RBFOX1: variants seen among roughly 807,000 people sequenced by gnomAD.
The protein encoded by RBFOX1 is RNA binding fox-1 homolog 1.
In RBFOX1, 8 loss-of-function variants were observed where a neutral mutation model predicts 57.7. That is an observed-to-expected ratio of 0.14 (90% CI 0.08 to 0.25). The LOEUF is 0.25. Among genes scored for constraint, RBFOX1 ranks in the 10% least tolerant of loss-of-function variants. The probability of loss-of-function intolerance (pLI) is 1.00; values close to 1 mark genes in which losing one functional copy is unlikely to be tolerated. For missense variants in RBFOX1, 611 were observed against 548.5 expected (o/e 1.11, Z -1.14); for synonymous variants, 326 against 222.4 (o/e 1.47, Z -4.15).
chr16:6,583,154 G>C (rs961658864), intron 2 of RBFOX1, among the ~76,000 whole-genome samples: 1 of 152,164 alleles, frequency 6.6e-6, no homozygotes, highest in African/African-American at 2.4e-5. Flanking sequence ...CTGGAAGATA[G>C]AGATCTCATT....
intron 4 of RBFOX1, among the ~76,000 whole-genome samples, chr16:7,502,668 A>C (rs929254017): frequency 6.6e-6 from 1 of 152,164 alleles, no homozygotes; most frequent in Non-Finnish European, 1.5e-5. Flanking sequence ...ATACGTATAC[A>C]TGTGGTGAGG....
At chr16:6,450,765 GTGTATATATATATATATATA>G (rs2094575459) in intron 2 of RBFOX1, among the ~76,000 whole-genome samples, 1 of 19,442 alleles carries the variant, frequency 5.1e-5, no homozygotes, top group African/African-American at 2.0e-4. Flanking sequence ...ATATATATAT[GTGTATATATATATATATATA>G]TATACATATA....
At chr16:6,277,580 T>C (rs887056997) in intron 1 of RBFOX1, among the ~76,000 whole-genome samples, 4 of 146,800 alleles carry the variant, frequency 2.7e-5, no homozygotes. Context: ...GAGATCAGCC[T>C]GGGCAATAGA....
intron 4 of RBFOX1, among the ~76,000 whole-genome samples, chr16:7,131,042 A>C (rs1458690856): frequency 6.6e-6 from 1 of 152,112 alleles, no homozygotes; most frequent in Non-Finnish European, 1.5e-5. Context: ...TGCCTTTTTA[A>C]TCATAAGAAT....
At chr16:5,564,006 G>A (rs566651247) in intron 2 of RBFOX1, among the ~76,000 whole-genome samples, 4 of 152,116 alleles carry the variant, frequency 2.6e-5, no homozygotes, top group Non-Finnish European at 5.9e-5. Flanking sequence ...GTAGGAGAGA[G>A]TTTTTTTAAA....
intron 4 of RBFOX1, among the ~76,000 whole-genome samples, chr16:7,169,301 A>AT (rs1207394995): frequency 2.0e-5 from 3 of 152,202 alleles, no homozygotes; most frequent in Admixed American, 2.0e-4. Context: ...GATACTAGCC[A>AT]TTTACTAAAA....
chr16:7,201,504 C>A (rs1323183215), intron 4 of RBFOX1, among the ~76,000 whole-genome samples: 1 of 151,518 alleles, frequency 6.6e-6, no homozygotes, highest in African/African-American at 2.4e-5. Flanking sequence ...TCTTGTCGCC[C>A]AGGCTGGAGT....
chr16:6,809,589 C>G (rs184479850), intron 3 of RBFOX1, among the ~76,000 whole-genome samples: 1 of 152,138 alleles, frequency 6.6e-6, no homozygotes, highest in Admixed American at 6.5e-5. Flanking sequence ...ACCAAAAGTG[C>G]CATAACCTTG....
chr16:6,003,461 C>G (rs2152331410), intron 4 of RBFOX1, among the ~76,000 whole-genome samples: 1 of 152,188 alleles, frequency 6.6e-6, no homozygotes, highest in East Asian at 1.9e-4. Flanking sequence ...CTTCTCGCCA[C>G]CGCCCACCAC....
downstream of RBFOX1, among the ~76,000 whole-genome samples, chr16:5,602,785 C>T (rs985519823): frequency 3.3e-5 from 5 of 151,856 alleles, no homozygotes; most frequent in African/African-American, 9.7e-5. Flanking sequence ...TAGTAAGAAG[C>T]AGTAGTAGTA....
intron 2 of RBFOX1, among the ~76,000 whole-genome samples, chr16:6,581,465 A>G (rs776794555): frequency 4.6e-5 from 7 of 152,152 alleles, no homozygotes; most frequent in African/African-American, 7.2e-5. Context: ...GTTTTGGGAA[A>G]CAAGCCTTGC....
At chr16:7,618,128 C>G (rs546279842) in intron 10 of RBFOX1, among the ~76,000 whole-genome samples, 2 of 152,108 alleles carry the variant, frequency 1.3e-5, no homozygotes, top group African/African-American at 4.8e-5. Context: ...AGAGTACCTT[C>G]TAGAGAAAGG....
At chr16:6,584,373 T>C (rs1443104088) in intron 2 of RBFOX1, among the ~76,000 whole-genome samples, 1 of 147,848 alleles carries the variant, frequency 6.8e-6, no homozygotes, top group Non-Finnish European at 1.5e-5. Flanking sequence ...TTATTATTAT[T>C]ATTATTATTA....
At chr16:6,157,677 T>C (rs1205789779) in intron 1 of RBFOX1, among the ~76,000 whole-genome samples, 1 of 152,182 alleles carries the variant, frequency 6.6e-6, no homozygotes, top group African/African-American at 2.4e-5. Context: ...AAGTTATATA[T>C]ATATGCCCAT....
intron 4 of RBFOX1, among the ~76,000 whole-genome samples, chr16:5,994,217 A>T (rs2060453966): frequency 6.6e-6 from 1 of 152,218 alleles, no homozygotes; most frequent in South Asian, 2.1e-4. Flanking sequence ...GTTGAAGTAC[A>T]GTGGTGCAAT....
At chr16:6,862,836 T>A (rs1174390896) in intron 3 of RBFOX1, among the ~76,000 whole-genome samples, 1 of 151,940 alleles carries the variant, frequency 6.6e-6, no homozygotes, top group Non-Finnish European at 1.5e-5. Flanking sequence ...AATACAAAAA[T>A]TAGCCAGTCA....
intron 3 of RBFOX1, among the ~76,000 whole-genome samples, chr16:6,780,556 ACATATT>A (rs2080823001): frequency 2.7e-5 from 3 of 109,206 alleles, no homozygotes; most frequent in Admixed American, 9.7e-5. Flanking sequence ...ATATATATTT[ACATATT>A]TATATATATT....
intron 1 of RBFOX1, among the ~76,000 whole-genome samples, chr16:5,276,276 A>G (rs4047662): frequency 0.35 from 52,670 of 152,030 alleles, 9,282 homozygotes; most frequent in African/African-American, 0.41. Flanking sequence ...AATTTTCACA[A>G]ACTGCATCTG....
chr16:6,864,995 C>CTTTTTTTT (rs34341448), intron 3 of RBFOX1, among the ~76,000 whole-genome samples: 71 of 82,506 alleles, frequency 8.6e-4, no homozygotes, highest in African/African-American at 1.4e-3. Flanking sequence ...TTTTCTTTTT[C>CTTTTTTTT]TTTTTTTTTT....
Sources: gnomAD v4.1 joint callset for allele counts (sites outside exome capture counted in the v4.1 genomes callset) on GRCh38, gnomAD v4.1.1 for gene constraint, MANE v1.5 for transcripts, NCBI Gene and HGNC (gene_info 2026-07-23, HGNC 2026-07-21) for gene names.